ROBO4: variants seen among roughly 807,000 people sequenced by gnomAD.
ROBO4 encodes roundabout guidance receptor 4, also known as roundabout homolog 4.
ROBO4 carries 80 observed loss-of-function variants against 103.3 expected under a neutral mutation model. The ratio of observed to expected loss-of-function variants is 0.77; its 90% CI spans 0.65 to 0.93. The LOEUF (loss-of-function observed/expected upper bound fraction) is 0.93, where lower values mean the gene tolerates loss of function less well. Among genes scored for constraint, ROBO4 ranks in the 40% least tolerant of loss-of-function variants. ROBO4 has a pLI of 0.00. For synonymous variants in ROBO4, 504 were observed against 529.7 expected, an observed-to-expected ratio of 0.95 and a Z score of 0.67; for missense variants, 1,333 against 1,305.3, an observed-to-expected ratio of 1.02 and a Z score of -0.33.
intron 6 of ROBO4, 51 bp from the exon 7 acceptor site, chr11:124,895,244 G>A: frequency 6.9e-7 from 1 of 1,444,054 alleles, no homozygotes; most frequent in Non-Finnish European, 9.7e-7. Context: ...GAGGACTCTA[G>A]GGAAAGGAGC....
Position 124,887,355 on chromosome 11 carries a change from T to C in ROBO4, c.2198+3A>G. On this transcript the variant is annotated splice_donor_region_variant and intron_variant, in intron 14 of 17. Coordinates refer to ENST00000306534, the MANE Select transcript of ROBO4 (RefSeq NM_019055.6). Reference sequence around the variant, plus strand: ...CCTGCTTCCCGACCCCATGCCCTCTTACTGGGTCTGTTGACTCTGAGTTGG... The same window carrying C: ...CCTGCTTCCCGACCCCATGCCCTCTCACTGGGTCTGTTGACTCTGAGTTGG... The C allele has an allele frequency of 6.2e-7, 1 of 1,613,932 alleles. No individual in the cohort carries two copies. Among genetic ancestry groups the C allele is most frequent in the Non-Finnish European group, 8.5e-7 (1 of 1,179,900 alleles).
In ROBO4 at chr11:124,895,075, G is replaced by C. The variant is rs375827623; in HGVS notation, c.1149+6C>G. 1,370 of 1,601,712 alleles carry C rather than the reference G, an allele frequency of 8.6e-4. 2 individuals carry two copies. Among genetic ancestry groups the C allele is most frequent in the Non-Finnish European group, 7.1e-4 (832 of 1,168,768 alleles). ...TAGGAAGGGCTATGACAGCTAGTGG[G>C]GGTACCTGGTAGCCACGGATGATGC... On this transcript the variant is annotated splice_donor_region_variant and intron_variant, in intron 7 of 17. Transcript: ENST00000306534.
Position 124,886,730 on chromosome 11 carries a change from C to A in ROBO4, c.2528G>T (p.Gly843Val). 1 of 1,596,704 alleles carries A rather than the reference C, an allele frequency of 6.3e-7. No individual in the cohort carries two copies. The highest frequency in any genetic ancestry group is 8.6e-7 in the Non-Finnish European group (1 of 1,169,076). Residue 843 changes from glycine to valine, a missense_variant, in exon 16 of 18, where the codon GGC (glycine) becomes GTC (valine). Coordinates refer to ENST00000306534, the MANE Select transcript of ROBO4 (RefSeq NM_019055.6). ...GGGCCCCACCCCTCCTCCAGTCCTG[C>A]CCATGTCCGTGAACTCTGAGGCTGT... The part of the protein sequence containing the change: ...VPTASEFTDM[G>V]RTGGGVGPKG...
chr11:124,890,472 G>A (rs73016357), intron 12 of ROBO4, among the ~76,000 whole-genome samples: 4,814 of 152,252 alleles, frequency 0.032, 133 homozygotes, highest in East Asian at 0.099. Context: ...ATTTCCTGAG[G>A]GAGCTCCAGA....
rs368211092 is a variant in ROBO4 at position 124,896,596 on chromosome 11, C to T, written c.475G>A (p.Gly159Arg). Residue 159 changes from glycine (G) to arginine (R), a missense_variant, in exon 3 of 18, where the codon GGG becomes AGG. By Grantham distance (125) the Gly-to-Arg change is moderately radical. Transcript: ENST00000306534. ...VVGEQFTLECGPPWGHPEPTV... is the reference protein window; with the variant it reads ...VVGEQFTLECRPPWGHPEPTV... ...GGCTCTGGGTGGCCCCAGGGCGGCC[C>T]ACATTCCAGAGTAAACTGCTCACCC... is the stretch of plus-strand genomic sequence containing the variant. The T allele has an allele frequency of 6.2e-7, 1 of 1,614,134 alleles. No individual in the cohort carries two copies. The highest frequency in any genetic ancestry group is 8.5e-7 in the Non-Finnish European group (1 of 1,180,006).
chr11:124,884,880 A>G lies in ROBO4; in HGVS notation c.*11T>C, dbSNP rs184070100. The G allele has an allele frequency of 1.1e-5, 17 of 1,614,184 alleles. No homozygotes were observed. Among genetic ancestry groups the G allele is most frequent in the East Asian group, 2.2e-5 (1 of 44,884 alleles). On this transcript the variant is annotated 3_prime_UTR_variant, in exon 18 of 18. Coordinates refer to ENST00000306534, the MANE Select transcript of ROBO4 (RefSeq NM_019055.6). The stretch of plus-strand genomic sequence containing the variant: ...TTCTGATTCCCGTCTGGGAAGTCTC[A>G]GGGACACGGTTCAGGAGTAATCTAC...
At chr11:124,894,988 T>C (rs1946859790) in intron 7 of ROBO4, 93 bp downstream of exon 7, 1 of 992,752 alleles carries the variant, frequency 1.0e-6, no homozygotes, top group South Asian at 1.4e-5. Flanking sequence ...CCCAGGTACC[T>C]TTCTCAGTGC....
chr11:124,886,535 C>T lies in ROBO4; in HGVS notation c.2723G>A (p.Arg908Gln), dbSNP rs747627515. 6.6e-5 allele frequency: 107 copies of T among 1,614,094 alleles called. No homozygotes were observed. The highest frequency in any genetic ancestry group is 8.8e-5 in the South Asian group (8 of 91,090). The change falls in exon 16 of 18, where the codon CGG (arginine) becomes CAG (glutamine). Residue 908 changes from arginine to glutamine, a missense_variant. Coordinates refer to ENST00000306534, the MANE Select transcript of ROBO4 (RefSeq NM_019055.6). Reference sequence around the variant, plus strand: ...GCTATCCACAGCCACTGCCAGGGCCCGGGCAAAGTGAGCATCAGCGAGGAA... The same window carrying T: ...GCTATCCACAGCCACTGCCAGGGCCTGGGCAAAGTGAGCATCAGCGAGGAA... Reference protein sequence around the residue: ...GSFLADAHFARALAVAVDSFG... With the variant: ...GSFLADAHFAQALAVAVDSFG...
Position 124,891,605 on chromosome 11 carries a change from G to A in ROBO4, c.1685-43C>T, listed in dbSNP as rs560805257. The A allele has an allele frequency of 2.7e-5, 44 of 1,614,204 alleles. No individual in the cohort carries two copies. In the South Asian group the frequency reaches 4.4e-4, roughly 16 times the overall value. Reference sequence around the variant, plus strand: ...GGAGGAATTATGGTGAGCATGTCCTGCTTTCCATCCCTGAGATCACTGCCC... The same window carrying A: ...GGAGGAATTATGGTGAGCATGTCCTACTTTCCATCCCTGAGATCACTGCCC... On this transcript the variant is annotated intron_variant, in intron 11 of 17. Coordinates refer to ENST00000306534, the MANE Select transcript of ROBO4 (RefSeq NM_019055.6).
rs1048853042 is a variant in ROBO4, at chr11:124,896,925, G to C, written c.400+7C>G. The C allele has an allele frequency of 3.7e-6, 6 of 1,608,894 alleles. No homozygotes were observed. The highest frequency in any genetic ancestry group is 5.1e-6 in the Non-Finnish European group (6 of 1,179,180). ...CCCCACCCTGAAGCTCCCCTCCCAG[G>C]CCTCACCAGCCACAGACAGCCGAGC... On this transcript the variant is annotated splice_region_variant and intron_variant, in intron 2 of 17. Coordinates refer to ENST00000306534, the MANE Select transcript of ROBO4 (RefSeq NM_019055.6).
At chr11:124,894,754 C>G (rs955229433) in intron 7 of ROBO4, among the ~76,000 whole-genome samples, 4 of 152,172 alleles carry the variant, frequency 2.6e-5, no homozygotes, top group Non-Finnish European at 5.9e-5. Flanking sequence ...TGTTGCTGCT[C>G]TAGAAGTCAA....
rs776188598 is a variant in ROBO4 at position 124,887,476 on chromosome 11, C to G, written c.2080G>C (p.Ala694Pro). 4 of 1,613,870 alleles carry G rather than the reference C, an allele frequency of 2.5e-6. No homozygotes were observed. The East Asian group carries it at 8.9e-5, about 36-fold the overall frequency. The change falls in exon 14 of 18, where the codon GCC becomes CCC. Residue 694 changes from alanine (A) to proline (P), a missense_variant. By Grantham distance (27) the Ala-to-Pro change is conservative (BLOSUM62 -1). Coordinates refer to ENST00000306534, the MANE Select transcript of ROBO4 (RefSeq NM_019055.6). Reference protein sequence around the residue: ...SPGAVPQALVAWRALGPKLLS... With the variant: ...SPGAVPQALVPWRALGPKLLS... ...AGTTTCGGTCCCAGGGCCCGCCAGG[C>G]AACCAGAGCTTGGGGCACAGCTCCT...
chr11:124,897,147 G>A lies in ROBO4; in HGVS notation c.185C>T (p.Thr62Ile). 1 of 1,563,256 alleles carries A rather than the reference G, an allele frequency of 6.4e-7. No individual in the cohort carries two copies. Among genetic ancestry groups the A allele is most frequent in the South Asian group, 1.2e-5 (1 of 81,542 alleles). Residue 62 changes from threonine to isoleucine, a missense_variant, in exon 2 of 18, where the codon ACC becomes ATC. By Grantham distance (89) the Thr-to-Ile change is moderately conservative. Transcript: ENST00000306534. ...SCQASGQPPP[T>I]IRWLLNGQPL... ...CTGCCCATTCAGCAACCAGCGGATG[G>A]TGGGAGGTGGCTGGCCTGAGGCTTG...
Position 124,894,389 on chromosome 11 carries a change from G to T in ROBO4, c.1150-20C>A. 1 of 1,601,510 alleles carries T rather than the reference G, an allele frequency of 6.2e-7. No homozygotes were observed. Among genetic ancestry groups the T allele is most frequent in the East Asian group, 2.2e-5 (1 of 44,700 alleles). On this transcript the variant is annotated intron_variant, in intron 7 of 17. Transcript: ENST00000306534. ...CCAGACCTGAGGCACAAGCAGAGGT[G>T]AACAGCTTCCCCAGGCACCATCCCA...
rs1271355384 is a variant in ROBO4 at position 124,886,624 on chromosome 11, G to A, written c.2634C>T (p.Gly878=). The A allele has an allele frequency of 5.6e-6, 9 of 1,614,040 alleles. No homozygotes were observed. The Admixed American group carries it at 1.0e-4, about 18-fold the overall frequency. Residue 878 remains glycine (G), a synonymous_variant, in exon 16 of 18, where the codon GGC becomes GGT. Transcript: ENST00000306534. ...PSEGSLANGW[G]SASEDNAASA... ...TGGCGGCATTGTCCTCAGAGGCTGA[G>A]CCCCAACCATTGGCTAAGGAGCCCT...
rs1273787027 is a variant in ROBO4 at position 124,884,231 on chromosome 11, AT to A, written c.*659del. 6.6e-6 allele frequency: 1 copy of A among 152,264 alleles called. No individual in the cohort carries two copies. 9.4% of individuals were successfully genotyped at this position (152,264 alleles called of 1,614,324 possible). On this transcript the variant is annotated 3_prime_UTR_variant, in exon 18 of 18. Transcript: ENST00000306534. ...ATCTCACAGAACTCAAGTCTTTACC[AT>A]TTTATGGTATCAAATTTCTTAAGCT...
intron 12 of ROBO4, among the ~76,000 whole-genome samples, chr11:124,889,375 G>A (rs973788642): frequency 2.8e-4 from 42 of 152,116 alleles, no homozygotes; most frequent in Non-Finnish European, 7.3e-5. Flanking sequence ...GCCAGGCCTG[G>A]AAAAGGCCAC....
In ROBO4 at chr11:124,891,744, G is replaced by C. The variant is rs370384275; in HGVS notation, c.1606C>G (p.Arg536Gly). The change falls in exon 11 of 18, where the codon CGG (arginine) becomes GGG (glycine). Residue 536 changes from arginine (R) to glycine (G), a missense_variant. Arg to Gly is a moderately radical substitution (Grantham distance 125, BLOSUM62 -2). Coordinates refer to ENST00000306534, the MANE Select transcript of ROBO4 (RefSeq NM_019055.6). ...ADTWRSTSGSRDLSSSSSLSS... is the reference protein window; with the variant it reads ...ADTWRSTSGSGDLSSSSSLSS... ...AGGCTGCTGCTGCTGCTCAGGTCCC[G>C]AGAGCCAGAGGTGGAACGCCAAGTG... 4.3e-6 allele frequency: 7 copies of C among 1,613,930 alleles called. No individual in the cohort carries two copies. The East Asian group carries it at 1.1e-4, about 26-fold the overall frequency.
Position 124,897,769 on chromosome 11 carries a change from C to A in ROBO4, c.27G>T (p.Leu9=). The change falls in exon 1 of 18, where the codon CTG becomes CTT. Residue 9 remains leucine (L), a synonymous_variant. Coordinates refer to ENST00000306534, the MANE Select transcript of ROBO4 (RefSeq NM_019055.6). The part of the protein sequence containing the change: MGSGGDSL[L]GGRGSLPLLL... ...GCAGAGGCAGGGAACCCCTGCCCCC[C>A]AGGAGGCTGTCTCCTCCAGAGCCCA... The A allele has an allele frequency of 6.2e-6, 10 of 1,613,936 alleles. No individual in the cohort carries two copies. Among genetic ancestry groups the A allele is most frequent in the Non-Finnish European group, 7.6e-6 (9 of 1,179,912 alleles).
Sources: gnomAD v4.1 joint callset for allele counts (sites outside exome capture counted in the v4.1 genomes callset) on GRCh38, gnomAD v4.1.1 for gene constraint, MANE v1.5 for transcripts, NCBI Gene and HGNC (gene_info 2026-07-23, HGNC 2026-07-21) for gene names.